Variants in MAPK10 observed in about 807,000 individuals in gnomAD.
The protein encoded by MAPK10 is mitogen-activated protein kinase 10.
A neutral mutation model predicts 59.3 loss-of-function variants in MAPK10; 25 were observed. The observed-to-expected ratio is 0.42, with a 90% confidence interval of 0.31 to 0.59. MAPK10 has a LOEUF of 0.59. Ranked by LOEUF, MAPK10 falls within the 20% of genes least tolerant of loss-of-function variation. The probability of loss-of-function intolerance (pLI) is 0.15; values close to 1 mark genes in which losing one functional copy is unlikely to be tolerated. For synonymous variants in MAPK10, 190 were observed against 200.5 expected (o/e 0.95, Z 0.44); for missense variants, 351 against 568.9 (o/e 0.62, Z 3.90).
At chr4:86,306,874 C>T (rs966106621) in intron 2 of MAPK10, among the ~76,000 whole-genome samples, 3 of 152,110 alleles carry the variant, frequency 2.0e-5, no homozygotes, top group African/African-American at 7.2e-5. Context: ...TCTCCGTGTG[C>T]CCACATTTAT....
intron 9 of MAPK10, among the ~76,000 whole-genome samples, chr4:86,071,571 A>G (rs1316263494): frequency 1.4e-3 from 204 of 149,022 alleles, no homozygotes; most frequent in African/African-American, 4.9e-3. Flanking sequence ...ATTTTTGTAT[A>G]AGGTGTAAGG....
chr4:86,145,962 G>A (rs1402054688), intron 4 of MAPK10, among the ~76,000 whole-genome samples: 5 of 152,130 alleles, frequency 3.3e-5, no homozygotes, highest in Admixed American at 2.0e-4. Flanking sequence ...AAAGGAGTCC[G>A]TCTAAGAACT....
At position 86,537,425 on chromosome 4, in the gene MAPK10, T is replaced by C. The variant is rs576978418; in HGVS notation, c.-263+56485A>G. Among the ~76,000 whole-genome samples, 5 of 152,238 alleles carry C rather than the reference T, an allele frequency of 3.3e-5. No individual in the cohort carries two copies. The East Asian group carries it at 5.8e-4, about 18-fold the overall frequency. Reference sequence around the variant, plus strand: ...CAGAGAAAGAACGGTGATATCCCAATAGTAATAATTGCACCCAGCATGCAA... The same window carrying C: ...CAGAGAAAGAACGGTGATATCCCAACAGTAATAATTGCACCCAGCATGCAA... On this transcript the variant is annotated intron_variant, in intron 1 of 4. Transcript: ENST00000502302.
chr4:86,201,247 T>A (rs1563035181), intron 2 of MAPK10, among the ~76,000 whole-genome samples: 1 of 151,930 alleles, frequency 6.6e-6, no homozygotes, highest in Non-Finnish European at 1.5e-5. Flanking sequence ...TATCCATTCT[T>A]CTGCTGATAA....
At chr4:86,196,627 C>T (rs561798307) in intron 2 of MAPK10, among the ~76,000 whole-genome samples, 1 of 152,112 alleles carries the variant, frequency 6.6e-6, no homozygotes, top group African/African-American at 2.4e-5. Context: ...GTCATGAAGT[C>T]TTTGCCCATG....
intron 2 of MAPK10, among the ~76,000 whole-genome samples, chr4:86,204,763 C>A (rs556334042): frequency 6.6e-6 from 1 of 152,028 alleles, no homozygotes; most frequent in South Asian, 2.1e-4. Flanking sequence ...AGGAATTTCC[C>A]AATTCCTTTT....
intron 2 of MAPK10, among the ~76,000 whole-genome samples, chr4:86,234,647 A>C (rs1416708683): frequency 2.0e-5 from 3 of 152,102 alleles, no homozygotes; most frequent in Non-Finnish European, 4.4e-5. Flanking sequence ...TAATAAATCA[A>C]CTTTTTCCAT....
Position 86,325,963 on chromosome 4 carries a change from CTCAG to C in MAPK10, c.-7+28563_-7+28566del, listed in dbSNP as rs1378730112. On this transcript the variant is annotated intron_variant, in intron 2 of 13. Transcript: ENST00000641462. ...AAAACAGCCTTACCCTTGAGAATTT[CTCAG>C]TCAAAGGGAAGTAGACATTTCAAAA... The C allele has an allele frequency of 4.6e-5, 7 of 152,280 alleles. No individual in the cohort carries two copies. In the East Asian group the frequency reaches 1.4e-3, roughly 29 times the overall value. 9.4% of individuals were successfully genotyped at this position (152,280 alleles called of 1,614,324 possible).
chr4:86,563,614 C>G (rs1377644594), intron 1 of MAPK10, among the ~76,000 whole-genome samples: 1 of 152,104 alleles, frequency 6.6e-6, no homozygotes, highest in African/African-American at 2.4e-5. Flanking sequence ...ATTCCAAGAC[C>G]TCCAGTAGAT....
chr4:86,191,254 A>G (rs1434570391), intron 3 of MAPK10, among the ~76,000 whole-genome samples: 1 of 152,182 alleles, frequency 6.6e-6, no homozygotes, highest in Non-Finnish European at 1.5e-5. Flanking sequence ...GTAGATGTCT[A>G]TTAGGTCCAC....
intron 1 of MAPK10, among the ~76,000 whole-genome samples, chr4:86,485,022 T>C (rs576075131): frequency 1.3e-5 from 2 of 152,192 alleles, no homozygotes; most frequent in Non-Finnish European, 2.9e-5. Flanking sequence ...ATAAGAGATA[T>C]TTACAAGGTC....
At chr4:86,263,127 G>C (rs2094078854) in intron 2 of MAPK10, among the ~76,000 whole-genome samples, 2 of 152,156 alleles carry the variant, frequency 1.3e-5, no homozygotes, top group Admixed American at 6.5e-5. Flanking sequence ...CTGTCACCAT[G>C]TCAGGTGTAT....
chr4:86,070,837 T>C (rs967619643), intron 9 of MAPK10, among the ~76,000 whole-genome samples: 3 of 152,168 alleles, frequency 2.0e-5, no homozygotes, highest in Non-Finnish European at 4.4e-5. Flanking sequence ...TTGTGAATAA[T>C]GCCATAATAA....
chr4:86,115,366 C>T (rs1431587856), intron 4 of MAPK10, among the ~76,000 whole-genome samples: 1 of 152,170 alleles, frequency 6.6e-6, no homozygotes, highest in African/African-American at 2.4e-5. Context: ...GTCATACCAA[C>T]TGCCTATTCA....
chr4:86,428,127 G>A (rs903829018), intron 1 of MAPK10, among the ~76,000 whole-genome samples: 1 of 149,736 alleles, frequency 6.7e-6, no homozygotes, highest in African/African-American at 2.5e-5. Context: ...GCAGATTGGT[G>A]TTTTCAAAGT....
upstream of MAPK10, among the ~76,000 whole-genome samples, chr4:86,364,353 T>C (rs1405971606): frequency 6.6e-6 from 1 of 152,038 alleles, no homozygotes; most frequent in Non-Finnish European, 1.5e-5. Flanking sequence ...AGTCTCAAAC[T>C]CCTGAGCTCA....
At chr4:86,580,167 T>C (rs970930721) in intron 1 of MAPK10, among the ~76,000 whole-genome samples, 1 of 152,126 alleles carries the variant, frequency 6.6e-6, no homozygotes, top group Non-Finnish European at 1.5e-5. Flanking sequence ...GCAAGCAGTA[T>C]GTTTGGAAAC....
intron 1 of MAPK10, among the ~76,000 whole-genome samples, chr4:86,412,166 T>C (rs990039757): frequency 6.6e-6 from 1 of 152,206 alleles, no homozygotes; most frequent in Non-Finnish European, 1.5e-5. Flanking sequence ...TGAAGCTTAG[T>C]TTGGCTGGAT....
intron 1 of MAPK10, among the ~76,000 whole-genome samples, chr4:86,442,950 C>T (rs1216300022): frequency 6.6e-6 from 1 of 152,136 alleles, no homozygotes; most frequent in Non-Finnish European, 1.5e-5. Flanking sequence ...ACAAGCTGAA[C>T]ATCAAACACT....
Sources: gnomAD v4.1 joint callset for allele counts (sites outside exome capture counted in the v4.1 genomes callset) on GRCh38, gnomAD v4.1.1 for gene constraint, MANE v1.5 for transcripts, NCBI Gene and HGNC (gene_info 2026-07-23, HGNC 2026-07-21) for gene names.